ANO5: variants seen among roughly 807,000 people sequenced by gnomAD.
ANO5 encodes anoctamin-5.
A neutral mutation model predicts 121.0 loss-of-function variants in ANO5; 109 were observed. That is an observed-to-expected ratio of 0.90 (90% CI 0.77 to 1.06). The LOEUF (loss-of-function observed/expected upper bound fraction) is 1.06. Ranked by LOEUF, ANO5 falls within the 50% of genes least tolerant of loss-of-function variation. The pLI, the probability that ANO5 is intolerant of heterozygous loss-of-function variation, is 0.00. For synonymous variants in ANO5, 406 were observed against 359.9 expected, an observed-to-expected ratio of 1.13 and a Z score of -1.45; for missense variants, 1,064 against 1,078.5, an observed-to-expected ratio of 0.99 and a Z score of 0.19.
Position 22,279,525 on chromosome 11 carries a change from T to C in ANO5, c.2521-19T>C, listed in dbSNP as rs1343314566. 6.3e-7 allele frequency: 1 copy of C among 1,590,960 alleles called. No individual in the cohort carries two copies. The highest frequency in any genetic ancestry group is 1.3e-5 in the African/African-American group (1 of 74,342). On this transcript the variant is annotated intron_variant, in intron 21 of 21. Transcript: ENST00000324559. The stretch of plus-strand genomic sequence containing the variant: ...GACACCTCTAACAGCGTCTAATCTT[T>C]CCTTTATATTTCCTCTAGCATGTTG...
chr11:22,270,215 C>A, intron 17 of ANO5, 97 bp from the exon 18 acceptor site: 1 of 1,454,824 alleles, frequency 6.9e-7, no homozygotes, highest in Non-Finnish European at 9.5e-7. Context: ...GTTATTTAAT[C>A]TCTAATTTCT....
At chr11:22,275,249 C>T (rs1854795383) in intron 20 of ANO5, among the ~76,000 whole-genome samples, 1 of 151,580 alleles carries the variant, frequency 6.6e-6, no homozygotes, top group Non-Finnish European at 1.5e-5. Flanking sequence ...ATATGTGAAC[C>T]TACTGTTTTT....
chr11:22,198,689 GT>G (rs1427555879), intron 1 of ANO5, among the ~76,000 whole-genome samples: 1 of 151,964 alleles, frequency 6.6e-6, no homozygotes, highest in Non-Finnish European at 1.5e-5. Flanking sequence ...TTGCTTGATT[GT>G]TCTGTGATTG....
At chr11:22,236,315 T>C (rs1853218798) in intron 8 of ANO5, 39 bp downstream of exon 8, 15 of 1,489,770 alleles carry the variant, frequency 1.0e-5, no homozygotes, top group Non-Finnish European at 1.4e-5. Context: ...GAGCTTATTT[T>C]CCTCCTGCCA....
chr11:22,246,028 C>T (rs1451773126), intron 9 of ANO5, among the ~76,000 whole-genome samples: 1 of 152,138 alleles, frequency 6.6e-6, no homozygotes, highest in African/African-American at 2.4e-5. Context: ...TGTGGGCACC[C>T]ATCTTCCCTT....
chr11:22,207,876 T>C (rs546253700), intron 2 of ANO5, among the ~76,000 whole-genome samples: 13 of 152,092 alleles, frequency 8.5e-5, no homozygotes, highest in Admixed American at 2.0e-4. Context: ...AAAATACATA[T>C]TGAGATCTTT....
At chr11:22,203,531 T>C (rs1852025308) in intron 1 of ANO5, among the ~76,000 whole-genome samples, 1 of 152,152 alleles carries the variant, frequency 6.6e-6, no homozygotes, top group African/African-American at 2.4e-5. Context: ...GATAACCACA[T>C]TGATCAGAGT....
chr11:22,200,276 G>A (rs2133502745), intron 1 of ANO5, among the ~76,000 whole-genome samples: 1 of 152,210 alleles, frequency 6.6e-6, no homozygotes, highest in South Asian at 2.1e-4. Context: ...TGTCATTAAT[G>A]TTTGAGGTAA....
At chr11:22,273,998 T>G (rs187928757) in intron 19 of ANO5, among the ~76,000 whole-genome samples, 21 of 152,196 alleles carry the variant, frequency 1.4e-4, no homozygotes, top group Admixed American at 1.0e-3. Flanking sequence ...TTAATTGACT[T>G]ATCTAATCTA....
In ANO5 at chr11:22,250,941, A is replaced by C; in HGVS notation, c.1120-10A>C. 1 of 1,611,952 alleles carries C rather than the reference A, an allele frequency of 6.2e-7. No individual in the cohort carries two copies. Among genetic ancestry groups the C allele is most frequent in the South Asian group, 1.1e-5 (1 of 91,028 alleles). On this transcript the variant is annotated splice_polypyrimidine_tract_variant and intron_variant, in intron 11 of 21. Coordinates refer to ENST00000324559, the MANE Select transcript of ANO5 (RefSeq NM_213599.3). ...TTATCTTTGTGATATTGTTATTGTT[A>C]TTTTTACAGTTCTCCCATTTGTTTG...
At chr11:22,219,891 A>T (rs957755941) in intron 4 of ANO5, among the ~76,000 whole-genome samples, 1 of 139,264 alleles carries the variant, frequency 7.2e-6, no homozygotes, top group Admixed American at 7.2e-5. Flanking sequence ...GGTTCCCTAG[A>T]TTTTTTTTTT....
chr11:22,202,381 G>T (rs1298552009), intron 1 of ANO5, among the ~76,000 whole-genome samples: 1 of 151,956 alleles, frequency 6.6e-6, no homozygotes, highest in African/African-American at 2.4e-5. Context: ...AATAACTGAG[G>T]GATTTGTGTG....
chr11:22,252,218 T>A (rs1400118540), intron 12 of ANO5, among the ~76,000 whole-genome samples: 2 of 152,134 alleles, frequency 1.3e-5, no homozygotes, highest in Non-Finnish European at 2.9e-5. Context: ...AGAAATCTTA[T>A]TAATGGTTTA....
Position 22,221,081 on chromosome 11 carries a change from T to C in ANO5, c.181-16T>C, listed in dbSNP as rs762760550. The C allele has an allele frequency of 1.9e-6, 3 of 1,541,010 alleles. No individual in the cohort carries two copies. The highest frequency in any genetic ancestry group is 1.8e-6 in the Non-Finnish European group (2 of 1,114,882). On this transcript the variant is annotated splice_polypyrimidine_tract_variant and intron_variant, in intron 4 of 21. Transcript: ENST00000324559. ...AAAACTATAATTTACAATTGTGTCA[T>C]TTATGTCTCCTGCAGTTTCAAAAAA...
chr11:22,281,998 C>A lies in ANO5; in HGVS notation c.*2233C>A, dbSNP rs1229214967. 1 of 151,862 alleles carries A rather than the reference C, an allele frequency of 6.6e-6. No homozygotes were observed. Among genetic ancestry groups the A allele is most frequent in the Non-Finnish European group, 1.5e-5 (1 of 67,912 alleles). The allele number at this position is 151,862 out of a possible 1,614,324, so 9.4% of individuals were successfully genotyped here. ...GATTTAAAAATGAAATACAGGTATT[C>A]GTCACTTTCCTGAAACCATGCTAAC... On this transcript the variant is annotated 3_prime_UTR_variant, in exon 22 of 22. Transcript: ENST00000324559.
At chr11:22,228,779 A>G (rs941646345) in intron 7 of ANO5, among the ~76,000 whole-genome samples, 4 of 151,994 alleles carry the variant, frequency 2.6e-5, no homozygotes, top group African/African-American at 4.8e-5. Context: ...CTCTAGGTTC[A>G]TATTGTCACA....
chr11:22,224,684 A>G (rs1454124602), intron 5 of ANO5, among the ~76,000 whole-genome samples: 1 of 152,106 alleles, frequency 6.6e-6, no homozygotes, highest in African/African-American at 2.4e-5. Context: ...CTTGTGTAAG[A>G]CCAGGCAATT....
intron 7 of ANO5, among the ~76,000 whole-genome samples, chr11:22,232,865 C>T (rs1434382605): frequency 6.6e-6 from 1 of 152,000 alleles, no homozygotes; most frequent in Non-Finnish European, 1.5e-5. Flanking sequence ...TGTGTCAGTA[C>T]TTAGAATGTT....
chr11:22,239,190 A>G (rs149998628), intron 8 of ANO5, among the ~76,000 whole-genome samples: 2 of 152,004 alleles, frequency 1.3e-5, no homozygotes, highest in Non-Finnish European at 2.9e-5. Context: ...TGTTCCTTGA[A>G]GTTTAATTTT....
Sources: allele counts gnomAD v4.1 joint callset (sites outside exome capture counted in the v4.1 genomes callset), GRCh38; gene constraint gnomAD v4.1.1; transcripts MANE v1.5; gene names NCBI Gene and HGNC (gene_info 2026-07-23, HGNC 2026-07-21).